The following CPSF3 variants were observed in gnomAD, a reference collection of about 807,000 sequenced individuals.
CPSF3 encodes cleavage and polyadenylation specificity factor subunit 3.
CPSF3 carries 57 observed loss-of-function variants against 84.1 expected under a neutral mutation model. The observed-to-expected ratio is 0.68, with a 90% CI of 0.55 to 0.85. CPSF3 has a LOEUF of 0.85. Among genes scored for constraint, CPSF3 ranks in the 40% least tolerant of loss-of-function variants. CPSF3 has a pLI of 0.00. For synonymous variants in CPSF3, 275 were observed against 278.1 expected, an observed-to-expected ratio of 0.99 and a Z score of 0.11; for missense variants, 522 against 838.8, an observed-to-expected ratio of 0.62 and a Z score of 4.66.
chr2:9,434,106 C>A, intron 6 of CPSF3, 146 bp downstream of exon 6: 1 of 541,334 alleles, frequency 1.8e-6, no homozygotes, highest in Non-Finnish European at 3.2e-6. Flanking sequence ...GGTGGCCGGG[C>A]ACGGTGGCTC....
At chr2:9,465,044 TAAAA>T (rs754169778) in intron 15 of CPSF3, among the ~76,000 whole-genome samples, 12 of 152,120 alleles carry the variant, frequency 7.9e-5, no homozygotes, top group Non-Finnish European at 1.3e-4. Context: ...ATTCACGAAT[TAAAA>T]AGAATTAGAT....
intron 10 of CPSF3, among the ~76,000 whole-genome samples, chr2:9,447,410 T>C (rs1278977828): frequency 6.6e-6 from 1 of 151,362 alleles, no homozygotes; most frequent in African/African-American, 2.4e-5. Flanking sequence ...TCCCTGGAGG[T>C]TGAGGCTGCA....
intron 6 of CPSF3, among the ~76,000 whole-genome samples, chr2:9,434,299 G>C (rs1281852752): frequency 6.6e-6 from 1 of 151,984 alleles, no homozygotes; most frequent in Non-Finnish European, 1.5e-5. Context: ...AACCCAGAAG[G>C]TGGAGGTTGC....
At chr2:9,430,912 T>C (rs1231111306) in intron 4 of CPSF3, 32 bp downstream of exon 4, 2 of 1,573,636 alleles carry the variant, frequency 1.3e-6, no homozygotes, top group Admixed American at 3.4e-5. Flanking sequence ...TACACGACTT[T>C]GGCTCTATAT....
At position 9,436,344 on chromosome 2, in the gene CPSF3, A is replaced by C. The variant is rs747368779; in HGVS notation, c.743A>C (p.Glu248Ala). ...GTCTTTGCTCTTGGAAGGGCTCAGG[A>C]GCTGCTCTTGATTCTAGGTATGCCA... ...IPVFALGRAQ[E>A]LLLILDEYWQ... Residue 248 changes from glutamate (E) to alanine (A), a missense_variant, in exon 7 of 18, where the codon GAG (glutamate) becomes GCG (alanine). Glu to Ala is a moderately radical substitution (Grantham distance 107, BLOSUM62 -1). This residue lies in a region of CPSF3 where 329 missense variants were observed against 607.2 expected (regional missense o/e 0.54). Coordinates refer to ENST00000238112, the MANE Select transcript of CPSF3 (RefSeq NM_016207.4). 1 of 1,609,218 alleles carries C rather than the reference A, an allele frequency of 6.2e-7. No homozygotes were observed. Among genetic ancestry groups the C allele is most frequent in the South Asian group, 1.1e-5 (1 of 90,166 alleles).
intron 11 of CPSF3, among the ~76,000 whole-genome samples, chr2:9,448,714 G>A (rs144683395): frequency 1.0e-3 from 155 of 152,196 alleles, no homozygotes; most frequent in African/African-American, 3.0e-3. Context: ...GCGCCACCAC[G>A]CCCAGCTAAT....
At chr2:9,440,012 T>A (rs999562202) in intron 7 of CPSF3, among the ~76,000 whole-genome samples, 1 of 146,974 alleles carries the variant, frequency 6.8e-6, no homozygotes, top group Non-Finnish European at 1.5e-5. Flanking sequence ...ATAATATGAC[T>A]ATACTTTTTT....
chr2:9,433,536 C>A (rs1680671695), intron 5 of CPSF3, among the ~76,000 whole-genome samples: 1 of 152,122 alleles, frequency 6.6e-6, no homozygotes, highest in Non-Finnish European at 1.5e-5. Context: ...GGTTTTAGAC[C>A]ATGTACCTCA....
intron 10 of CPSF3, 46 bp from the exon 11 acceptor site, chr2:9,448,152 G>A: frequency 8.8e-7 from 1 of 1,139,460 alleles, no homozygotes; most frequent in Non-Finnish European, 1.3e-6. Context: ...CCATGATTAA[G>A]CTGAATGATG....
In CPSF3 at chr2:9,455,683, C is replaced by G; in HGVS notation, c.1529C>G (p.Thr510Arg). Reference protein sequence around the residue: ...LSNYTDLAMSTVKQTQAIPYT... With the variant: ...LSNYTDLAMSRVKQTQAIPYT... Reference sequence around the variant, plus strand: ...GATTATACTGACCTGGCCATGAGCACGGTGAAGCAGACCCAAGCCATTCCA... The same window carrying G: ...GATTATACTGACCTGGCCATGAGCAGGGTGAAGCAGACCCAAGCCATTCCA... The change falls in exon 13 of 18, where the codon ACG (threonine) becomes AGG (arginine). Residue 510 changes from threonine to arginine, a missense_variant. Thr to Arg is a moderately conservative substitution (Grantham distance 71, BLOSUM62 -1). Coordinates refer to ENST00000238112, the MANE Select transcript of CPSF3 (RefSeq NM_016207.4). The G allele has an allele frequency of 6.2e-7, 1 of 1,613,918 alleles. No individual in the cohort carries two copies. Among genetic ancestry groups the G allele is most frequent in the Non-Finnish European group, 8.5e-7 (1 of 1,179,850 alleles).
At chr2:9,456,256 C>T (rs1221887568) in intron 13 of CPSF3, among the ~76,000 whole-genome samples, 5 of 152,106 alleles carry the variant, frequency 3.3e-5, no homozygotes, top group African/African-American at 9.7e-5. Context: ...CATTTGAGTT[C>T]GAGATTTTGT....
Position 9,428,827 on chromosome 2 carries a change from T to C in CPSF3, c.113T>C (p.Met38Thr), listed in dbSNP as rs921441469. 6.4e-7 allele frequency: 1 copy of C among 1,560,094 alleles called. No homozygotes were observed. Among genetic ancestry groups the C allele is most frequent in the Non-Finnish European group, 8.8e-7 (1 of 1,130,982 alleles). ...CTCGAGTTCAAAGGAAGAAAAATAA[T>C]GGTAATTACTATTTTTGTACTCAGT... is the stretch of plus-strand genomic sequence containing the variant. ...IILEFKGRKI[M>T]LDCGIHPGLE... Residue 38 changes from methionine (M) to threonine (T), a missense_variant and splice_region_variant, in exon 2 of 18, where the codon ATG becomes ACG. Transcript: ENST00000238112.
chr2:9,464,528 G>A (rs1179492472), intron 15 of CPSF3, among the ~76,000 whole-genome samples: 2 of 151,600 alleles, frequency 1.3e-5, no homozygotes, highest in Non-Finnish European at 2.9e-5. Flanking sequence ...CTGTTATATA[G>A]TTTTCTTGGC....
chr2:9,448,495 T>C, intron 11 of CPSF3, 145 bp downstream of exon 11: 2 of 655,532 alleles, frequency 3.1e-6, no homozygotes, highest in Non-Finnish European at 4.9e-6. Flanking sequence ...CTTATCCTTT[T>C]TGGCTTCTTT....
At chr2:9,453,145 CAAGTTAGCTAATTAGCTT>C in intron 12 of CPSF3, 124 bp downstream of exon 12, 1 of 589,762 alleles carries the variant, frequency 1.7e-6, no homozygotes. Context: ...AGGAATGAGG[CAAGTTAGCTAATTAGCTT>C]TGTGGGGAGA....
chr2:9,441,249 T>A (rs1323816758), intron 8 of CPSF3, among the ~76,000 whole-genome samples: 1 of 152,262 alleles, frequency 6.6e-6, no homozygotes, highest in Non-Finnish European at 1.5e-5. Context: ...TTTAACTCGA[T>A]GCTTGAATCA....
chr2:9,437,486 A>G (rs111705335), intron 7 of CPSF3, among the ~76,000 whole-genome samples: 20 of 152,328 alleles, frequency 1.3e-4, no homozygotes, highest in African/African-American at 4.8e-4. Flanking sequence ...CAAATGACTG[A>G]AAAGCTACTA....
In CPSF3 at chr2:9,440,619, A is replaced by C. The variant is rs1383414704; in HGVS notation, c.889A>C (p.Ile297Leu). The C allele has an allele frequency of 6.2e-7, 1 of 1,614,224 alleles. No homozygotes were observed. The highest frequency in any genetic ancestry group is 8.5e-7 in the Non-Finnish European group (1 of 1,180,038). Residue 297 changes from isoleucine (I) to leucine (L), a missense_variant, in exon 8 of 18, where the codon ATC (isoleucine) becomes CTC (leucine). Coordinates refer to ENST00000238112, the MANE Select transcript of CPSF3 (RefSeq NM_016207.4). ...CATGAATGACAAAATCCGCAAACAGATCAACATCAATAATCCCTTTGTTTT... is the reference window on the plus strand; with the variant it reads ...CATGAATGACAAAATCCGCAAACAGCTCAACATCAATAATCCCTTTGTTTT... The part of the protein sequence containing the change: ...NAMNDKIRKQ[I>L]NINNPFVFKH...
chr2:9,432,701 T>C lies in CPSF3; in HGVS notation c.519+13T>C, dbSNP rs376199240. 1.3e-6 allele frequency: 2 copies of C among 1,488,280 alleles called. No homozygotes were observed. The highest frequency in any genetic ancestry group is 2.7e-5 in the African/African-American group (2 of 72,998). The allele number at this position is 1,488,280 out of a possible 1,614,324, so 92.2% of individuals were successfully genotyped here. A position where few individuals can be genotyped will look rare whatever the true frequency, so the allele number is the denominator to read the frequency against. ...CGCAGGCGTGAAGGTACCCTCTGGC[T>C]GTGGCGCTTTTCTCCCCAGAGAAAT... is the stretch of plus-strand genomic sequence containing the variant. On this transcript the variant is annotated intron_variant, in intron 5 of 17. Coordinates refer to ENST00000238112, the MANE Select transcript of CPSF3 (RefSeq NM_016207.4).
Sources: allele counts gnomAD v4.1 joint callset (sites outside exome capture counted in the v4.1 genomes callset), GRCh38; gene constraint gnomAD v4.1.1; regional missense constraint gnomAD v4.1.1; transcripts MANE v1.5; gene names NCBI Gene and HGNC (gene_info 2026-07-23, HGNC 2026-07-21).